Variants in GNAQ observed in about 807,000 individuals in gnomAD.
GNAQ encodes G protein subunit alpha q, also known as guanine nucleotide-binding protein G(q) subunit alpha.
Under a neutral mutation model 43.9 loss-of-function variants are expected in GNAQ, and 8 were observed. The ratio of observed to expected loss-of-function variants is 0.18; its 90% confidence interval spans 0.11 to 0.33. The LOEUF (loss-of-function observed/expected upper bound fraction) is 0.33, where lower values mean the gene tolerates loss of function less well. GNAQ is among the 10% of genes least tolerant of loss of function. The probability of loss-of-function intolerance (pLI) is 1.00; values close to 1 mark genes in which losing one functional copy is unlikely to be tolerated. For missense variants in GNAQ, 158 were observed against 450.8 expected (o/e 0.35, Z 5.88); for synonymous variants, 155 against 170.7 (o/e 0.91, Z 0.71).
chr9:77,864,126 T>A (rs1297912818), intron 2 of GNAQ, among the ~76,000 whole-genome samples: 1 of 150,104 alleles, frequency 6.7e-6, no homozygotes, highest in Non-Finnish European at 1.5e-5. Context: ...AGGCACCACA[T>A]GGCAAGAGAG....
At chr9:78,018,975 G>C (rs777080230) in intron 1 of GNAQ, among the ~76,000 whole-genome samples, 1 of 152,100 alleles carries the variant, frequency 6.6e-6, no homozygotes, top group African/African-American at 2.4e-5. Context: ...CGCTGCAGAA[G>C]AATCTGTTCT....
At chr9:77,948,365 A>T (rs1163536561) in intron 1 of GNAQ, among the ~76,000 whole-genome samples, 1 of 152,228 alleles carries the variant, frequency 6.6e-6, no homozygotes, top group Non-Finnish European at 1.5e-5. Flanking sequence ...ATCCCAACAC[A>T]GGACACAAAC....
chr9:77,745,370 T>G (rs1018087430), intron 5 of GNAQ, among the ~76,000 whole-genome samples: 3 of 152,058 alleles, frequency 2.0e-5, no homozygotes, highest in Admixed American at 2.0e-4. Flanking sequence ...CAGAAAATAC[T>G]GAGACCTAAG....
chr9:77,905,867 A>C (rs1468600081), intron 2 of GNAQ, among the ~76,000 whole-genome samples: 1 of 152,176 alleles, frequency 6.6e-6, no homozygotes, highest in East Asian at 1.9e-4. Flanking sequence ...TCTCATAAGT[A>C]GGAGTTGAAC....
intron 2 of GNAQ, among the ~76,000 whole-genome samples, chr9:77,914,834 A>C (rs951285012): frequency 6.6e-6 from 1 of 151,760 alleles, no homozygotes; most frequent in African/African-American, 2.4e-5. Flanking sequence ...ACACCAAAAA[A>C]AAAAAAAAAA....
intron 2 of GNAQ, among the ~76,000 whole-genome samples, chr9:77,895,005 T>C (rs1479637519): frequency 2.0e-5 from 3 of 149,858 alleles, no homozygotes; most frequent in Non-Finnish European, 4.4e-5. Flanking sequence ...TTGGCTAACA[T>C]GGTGAAACCC....
chr9:77,920,620 A>T (rs763010808), intron 2 of GNAQ, among the ~76,000 whole-genome samples: 47 of 152,192 alleles, frequency 3.1e-4, no homozygotes, highest in Non-Finnish European at 4.7e-4. Flanking sequence ...TCAAATTCAG[A>T]CTACTTAGAT....
chr9:78,018,987 A>C (rs1006479125), intron 1 of GNAQ, among the ~76,000 whole-genome samples: 1 of 152,166 alleles, frequency 6.6e-6, no homozygotes, highest in Non-Finnish European at 1.5e-5. Flanking sequence ...ATCTGTTCTC[A>C]TAACAAGCAT....
intron 5 of GNAQ, among the ~76,000 whole-genome samples, chr9:77,761,153 G>A (rs1238356061): frequency 1.7e-4 from 24 of 144,060 alleles, no homozygotes; most frequent in African/African-American, 5.0e-4. Context: ...CGCCCCGTCC[G>A]GGAGGGAGGT....
At chr9:77,902,945 C>A (rs1048416213) in intron 2 of GNAQ, among the ~76,000 whole-genome samples, 4 of 152,220 alleles carry the variant, frequency 2.6e-5, no homozygotes, top group Non-Finnish European at 4.4e-5. Flanking sequence ...CAATTTGGGC[C>A]AGGCCTTAGT....
chr9:78,003,673 G>T (rs983639010), intron 1 of GNAQ, among the ~76,000 whole-genome samples: 2 of 152,062 alleles, frequency 1.3e-5, no homozygotes, highest in African/African-American at 4.8e-5. Context: ...AAAATAAACT[G>T]GGTGTGGTAA....
At chr9:77,741,854 CT>C in intron 5 of GNAQ, among the ~76,000 whole-genome samples, 1 of 152,202 alleles carries the variant, frequency 6.6e-6, no homozygotes, top group Non-Finnish European at 1.5e-5. Context: ...CCTCTTGATT[CT>C]TCCAGGAGAA....
chr9:77,986,111 T>C (rs1823432638), intron 1 of GNAQ, among the ~76,000 whole-genome samples: 2 of 152,158 alleles, frequency 1.3e-5, no homozygotes, highest in South Asian at 2.1e-4. Context: ...ACATCAATAT[T>C]TGTTTATTCT....
chr9:77,823,539 A>G (rs1827147335), intron 2 of GNAQ, among the ~76,000 whole-genome samples: 1 of 152,136 alleles, frequency 6.6e-6, no homozygotes, highest in South Asian at 2.1e-4. Flanking sequence ...AGACTGGATA[A>G]TTTATGAAGA....
chr9:77,840,512 T>C (rs928315967), intron 2 of GNAQ, among the ~76,000 whole-genome samples: 2 of 152,038 alleles, frequency 1.3e-5, no homozygotes, highest in African/African-American at 4.8e-5. Context: ...AACTTTTGTA[T>C]TTTTAGTAGA....
At chr9:77,978,124 C>T (rs1823326246) in intron 1 of GNAQ, among the ~76,000 whole-genome samples, 1 of 152,116 alleles carries the variant, frequency 6.6e-6, no homozygotes, top group Admixed American at 6.5e-5. Context: ...TCTCTGGGCC[C>T]ATACTCCCCA....
At chr9:77,940,540 C>T (rs533944983) in intron 1 of GNAQ, among the ~76,000 whole-genome samples, 1 of 152,280 alleles carries the variant, frequency 6.6e-6, no homozygotes, top group Non-Finnish European at 1.5e-5. Context: ...GATCACACCA[C>T]TGCACTCCAG....
At chr9:77,982,038 G>A (rs1162508653) in intron 1 of GNAQ, among the ~76,000 whole-genome samples, 1 of 152,142 alleles carries the variant, frequency 6.6e-6, no homozygotes, top group Non-Finnish European at 1.5e-5. Context: ...GTTCCTACCT[G>A]GAAGCTGGGT....
At chr9:77,944,138 A>G (rs1829353978) in intron 1 of GNAQ, among the ~76,000 whole-genome samples, 1 of 152,184 alleles carries the variant, frequency 6.6e-6, no homozygotes, top group Non-Finnish European at 1.5e-5. Flanking sequence ...CATTCAGAAT[A>G]CATACATAAT....
Sources: gnomAD v4.1 joint callset for allele counts (sites outside exome capture counted in the v4.1 genomes callset) on GRCh38, gnomAD v4.1.1 for gene constraint, MANE v1.5 for transcripts, NCBI Gene and HGNC (gene_info 2026-07-23, HGNC 2026-07-21) for gene names.